The following CAMK1D variants were observed in gnomAD, a reference collection of about 807,000 sequenced individuals.
CAMK1D encodes the protein calcium/calmodulin dependent protein kinase ID, also known as calcium/calmodulin-dependent protein kinase type 1D.
A neutral mutation model predicts 47.7 loss-of-function variants in CAMK1D; 9 were observed. The observed-to-expected ratio is 0.19, with a 90% CI of 0.11 to 0.33. CAMK1D has a LOEUF of 0.33. CAMK1D is among the 10% of genes least tolerant of loss of function. CAMK1D has a pLI of 1.00. For missense variants in CAMK1D, 291 were observed against 488.7 expected, an observed-to-expected ratio of 0.60 and a Z score of 3.81; for synonymous variants, 184 against 184.9, an observed-to-expected ratio of 0.99 and a Z score of 0.04.
chr10:12,573,831 CTTTTTTT>C (rs34038018), intron 2 of CAMK1D, among the ~76,000 whole-genome samples: 28 of 64,094 alleles, frequency 4.4e-4, no homozygotes, highest in Admixed American at 1.1e-3. Context: ...ATTAAAAAAA[CTTTTTTT>C]TTTTTTTTTT....
intron 5 of CAMK1D, among the ~76,000 whole-genome samples, chr10:12,785,950 C>T (rs2130981789): frequency 6.6e-6 from 1 of 152,280 alleles, no homozygotes; most frequent in South Asian, 2.1e-4. Context: ...TCGTGGATCT[C>T]CACGGTTTGG....
At chr10:12,797,862 A>G (rs1223752154) in intron 6 of CAMK1D, among the ~76,000 whole-genome samples, 1 of 152,150 alleles carries the variant, frequency 6.6e-6, no homozygotes, top group Non-Finnish European at 1.5e-5. Flanking sequence ...ATTGTCTGTG[A>G]CAATTGGTTT....
intron 3 of CAMK1D, among the ~76,000 whole-genome samples, chr10:12,694,649 C>A (rs1426729270): frequency 7.1e-6 from 1 of 140,352 alleles, no homozygotes; most frequent in South Asian, 2.2e-4. Context: ...TATAATTTTT[C>A]CAGAATTAAA....
intron 1 of CAMK1D, among the ~76,000 whole-genome samples, chr10:12,459,185 A>G (rs1443265007): frequency 6.6e-6 from 1 of 152,148 alleles, no homozygotes; most frequent in African/African-American, 2.4e-5. Context: ...GGCCAGGATT[A>G]TATTTTATCA....
At chr10:12,384,007 A>C (rs1045596010) in intron 1 of CAMK1D, among the ~76,000 whole-genome samples, 2 of 152,246 alleles carry the variant, frequency 1.3e-5, no homozygotes, top group African/African-American at 4.8e-5. Flanking sequence ...GTTCATCAAG[A>C]CTGCAAGATC....
At chr10:12,638,831 G>T (rs943254601) in intron 2 of CAMK1D, among the ~76,000 whole-genome samples, 1 of 152,160 alleles carries the variant, frequency 6.6e-6, no homozygotes, top group Non-Finnish European at 1.5e-5. Flanking sequence ...GAGGGGGTGA[G>T]GTTCCCCATC....
chr10:12,745,005 C>A (rs964956024), intron 3 of CAMK1D, among the ~76,000 whole-genome samples: 22 of 152,356 alleles, frequency 1.4e-4, no homozygotes, highest in African/African-American at 5.3e-4. Flanking sequence ...TGCTGAGAGC[C>A]ACTGTCATTC....
chr10:12,475,011 T>C (rs1204727589), intron 1 of CAMK1D, among the ~76,000 whole-genome samples: 1 of 152,158 alleles, frequency 6.6e-6, no homozygotes, highest in African/African-American at 2.4e-5. Context: ...TTGATGGGCA[T>C]TTAGGTTGAT....
At chr10:12,727,948 T>C (rs1834727015) in intron 3 of CAMK1D, among the ~76,000 whole-genome samples, 1 of 152,130 alleles carries the variant, frequency 6.6e-6, no homozygotes, top group Non-Finnish European at 1.5e-5. Flanking sequence ...GTATTTTTAG[T>C]AGAGACGGGA....
chr10:12,456,887 G>A (rs1833264492), intron 1 of CAMK1D, among the ~76,000 whole-genome samples: 1 of 151,104 alleles, frequency 6.6e-6, no homozygotes, highest in African/African-American at 2.4e-5. Context: ...TTTACCCTTT[G>A]ACCCAGCAGT....
At chr10:12,672,896 CTTTTTTT>C (rs750447013) in intron 3 of CAMK1D, among the ~76,000 whole-genome samples, 25 of 76,516 alleles carry the variant, frequency 3.3e-4, no homozygotes, top group African/African-American at 1.6e-3. Context: ...ATAGGCTTGC[CTTTTTTT>C]TTTTTTTTTT....
At chr10:12,398,604 C>T (rs991704680) in intron 1 of CAMK1D, among the ~76,000 whole-genome samples, 18 of 152,190 alleles carry the variant, frequency 1.2e-4, no homozygotes, top group African/African-American at 4.3e-4. Flanking sequence ...CCGCCTCGGC[C>T]TCCCAAAGTG....
chr10:12,640,773 C>T (rs1839642735), intron 2 of CAMK1D, among the ~76,000 whole-genome samples: 1 of 152,086 alleles, frequency 6.6e-6, no homozygotes, highest in African/African-American at 2.4e-5. Context: ...CTGTGGGAGG[C>T]CTGCCTCAGC....
At chr10:12,539,806 G>A (rs1836105902) in intron 1 of CAMK1D, among the ~76,000 whole-genome samples, 2 of 152,216 alleles carry the variant, frequency 1.3e-5, no homozygotes, top group Non-Finnish European at 2.9e-5. Context: ...CAAGGAAAAT[G>A]CACCCTGGCA....
intron 3 of CAMK1D, among the ~76,000 whole-genome samples, chr10:12,679,782 T>C (rs1840929200): frequency 6.6e-6 from 1 of 152,182 alleles, no homozygotes; most frequent in Admixed American, 6.5e-5. Flanking sequence ...CGACCCAGGC[T>C]TCTGAATACC....
intron 1 of CAMK1D, among the ~76,000 whole-genome samples, chr10:12,372,327 G>C (rs12781660): frequency 0.35 from 53,730 of 152,182 alleles, 9,740 homozygotes; most frequent in African/African-American, 0.42. Context: ...CACCATTTTA[G>C]AGATGAGGAA....
intron 1 of CAMK1D, among the ~76,000 whole-genome samples, chr10:12,401,108 TTA>T (rs1232349109): frequency 0.03 from 1,875 of 61,954 alleles, 92 homozygotes; most frequent in Non-Finnish European, 0.036. Context: ...TATATATATT[TTA>T]TATATATAAT....
intron 2 of CAMK1D, among the ~76,000 whole-genome samples, chr10:12,605,985 G>T (rs1483660229): frequency 6.6e-6 from 1 of 152,244 alleles, no homozygotes; most frequent in East Asian, 1.9e-4. Flanking sequence ...ATTTGGCCGT[G>T]AGAGAAGCAT....
chr10:12,354,744 A>C (rs556521633), intron 1 of CAMK1D, among the ~76,000 whole-genome samples: 2 of 151,804 alleles, frequency 1.3e-5, no homozygotes, highest in African/African-American at 4.8e-5. Flanking sequence ...TGCAACCCTA[A>C]GATTCTGTGG....
Sources: allele counts gnomAD v4.1 joint callset (sites outside exome capture counted in the v4.1 genomes callset), GRCh38; gene constraint gnomAD v4.1.1; transcripts MANE v1.5; gene names NCBI Gene and HGNC (gene_info 2026-07-23, HGNC 2026-07-21).